The following ERC2 variants were observed in gnomAD, a reference collection of about 807,000 sequenced individuals.
ERC2 encodes the protein ELKS/RAB6-interacting/CAST family member 2.
Under a neutral mutation model 114.8 loss-of-function variants are expected in ERC2, and 42 were observed. The ratio of observed to expected loss-of-function variants is 0.37; its 90% CI spans 0.29 to 0.47. The LOEUF is 0.47. Ranked by LOEUF, ERC2 falls within the 20% of genes least tolerant of loss-of-function variation. ERC2 has a pLI of 0.99. For synonymous variants in ERC2, 454 were observed against 425.5 expected, an observed-to-expected ratio of 1.07 and a Z score of -0.82; for missense variants, 939 against 1,150.7, an observed-to-expected ratio of 0.82 and a Z score of 2.66.
intron 6 of ERC2, among the ~76,000 whole-genome samples, chr3:56,122,119 A>T (rs1010213282): frequency 6.6e-6 from 1 of 152,248 alleles, no homozygotes; most frequent in Non-Finnish European, 1.5e-5. Context: ...CAACCTGTTT[A>T]TCTATAGGGG....
intron 14 of ERC2, among the ~76,000 whole-genome samples, chr3:55,775,100 G>A (rs766005950): frequency 6.6e-6 from 1 of 152,166 alleles, no homozygotes; most frequent in Non-Finnish European, 1.5e-5. Flanking sequence ...CCCCACACAT[G>A]TCCTCCTGCC....
chr3:56,030,627 C>A (rs1411436645), intron 7 of ERC2, among the ~76,000 whole-genome samples: 1 of 152,090 alleles, frequency 6.6e-6, no homozygotes, highest in Non-Finnish European at 1.5e-5. Context: ...ATTAATATAG[C>A]CATTCTTGCA....
chr3:56,023,881 C>T (rs920056201), intron 7 of ERC2, among the ~76,000 whole-genome samples: 5 of 151,812 alleles, frequency 3.3e-5, no homozygotes, highest in South Asian at 2.1e-4. Context: ...CCTTCAGCTC[C>T]GAGATTCTAC....
intron 13 of ERC2, among the ~76,000 whole-genome samples, chr3:55,941,433 C>A (rs950952216): frequency 6.6e-5 from 10 of 152,176 alleles, no homozygotes; most frequent in Non-Finnish European, 1.2e-4. Context: ...GTCAACAGCC[C>A]TCCAAATGGC....
intron 13 of ERC2, among the ~76,000 whole-genome samples, chr3:55,902,475 A>T (rs988646898): frequency 6.6e-6 from 1 of 152,124 alleles, no homozygotes; most frequent in Non-Finnish European, 1.5e-5. Flanking sequence ...ACGCCCACCC[A>T]AACAGTCAGT....
At chr3:55,735,679 A>T (rs751846841) in intron 14 of ERC2, among the ~76,000 whole-genome samples, 2 of 152,094 alleles carry the variant, frequency 1.3e-5, no homozygotes, top group African/African-American at 4.8e-5. Flanking sequence ...CTTTTGGGGG[A>T]TACATTCAAA....
At chr3:55,998,268 C>T (rs2071761597) in intron 10 of ERC2, among the ~76,000 whole-genome samples, 1 of 152,028 alleles carries the variant, frequency 6.6e-6, no homozygotes, top group African/African-American at 2.4e-5. Context: ...CACACACATA[C>T]ACACAAAAGA....
intron 2 of ERC2, among the ~76,000 whole-genome samples, chr3:56,374,088 T>G (rs752700931): frequency 6.6e-6 from 1 of 150,380 alleles, no homozygotes; most frequent in South Asian, 2.2e-4. Flanking sequence ...CCATCCAGTG[T>G]TTTTGTTTGT....
At chr3:55,754,511 G>C (rs1019211429) in intron 14 of ERC2, among the ~76,000 whole-genome samples, 2 of 74,264 alleles carry the variant, frequency 2.7e-5, no homozygotes, top group Admixed American at 2.7e-4. Context: ...TTTCTGCAAA[G>C]GATTAAAGAA....
chr3:55,944,741 G>A (rs773308818), intron 13 of ERC2, among the ~76,000 whole-genome samples: 4 of 152,306 alleles, frequency 2.6e-5, no homozygotes, highest in East Asian at 3.9e-4. Flanking sequence ...TTCTGAGACC[G>A]CCTACAGGGG....
chr3:56,105,274 T>G (rs550504441), intron 6 of ERC2, among the ~76,000 whole-genome samples: 2 of 152,044 alleles, frequency 1.3e-5, no homozygotes, highest in African/African-American at 4.8e-5. Context: ...AAGACTTTGG[T>G]TGATATGGTC....
chr3:55,573,191 T>C (rs185086248), intron 17 of ERC2, among the ~76,000 whole-genome samples: 2 of 152,288 alleles, frequency 1.3e-5, no homozygotes, highest in African/African-American at 4.8e-5. Context: ...TGGGCTTTGG[T>C]ATGGAACAGA....
intron 2 of ERC2, among the ~76,000 whole-genome samples, chr3:56,406,859 G>A (rs911788171): frequency 3.3e-5 from 5 of 152,196 alleles, no homozygotes; most frequent in African/African-American, 1.2e-4. Context: ...AGTTGCAGAG[G>A]AGGCATGGAA....
chr3:56,190,273 G>A (rs6786058), intron 3 of ERC2, among the ~76,000 whole-genome samples: 12,041 of 152,212 alleles, frequency 0.079, 642 homozygotes, highest in Admixed American at 0.15. Context: ...GAAACCTTGG[G>A]CAGGGTGCTA....
In ERC2 at chr3:55,943,709, A is replaced by G. The variant is rs534349924; in HGVS notation, c.2403+6716T>C. On this transcript the variant is annotated intron_variant, in intron 13 of 17. Coordinates refer to ENST00000288221, the MANE Select transcript of ERC2 (RefSeq NM_015576.3). ...CCCACGAAAGCATTTTAGAAAGCAC[A>G]CAGGACTCTGGCTTAGATGGGCTTG... Among the ~76,000 whole-genome samples the G allele has an allele frequency of 4.6e-5, 7 of 152,334 alleles. 1 individual carries two copies. The South Asian group carries it at 1.5e-3, about 32-fold the overall frequency.
chr3:56,385,327 G>A (rs536195803), intron 2 of ERC2, among the ~76,000 whole-genome samples: 1 of 152,054 alleles, frequency 6.6e-6, no homozygotes, highest in South Asian at 2.1e-4. Flanking sequence ...TCTTCTATAG[G>A]GGCACTAATT....
Position 55,729,837 on chromosome 3 carries a change from C to CAAAAAAAAAAAAAAAAAAAAAAAAAA in ERC2, c.2712+4908_2712+4933dup, listed in dbSNP as rs71096498. ...AGGGTAATGCAGTGAGACTCTATCG[C>CAAAAAAAAAAAAAAAAAAAAAAAAAA]AAAAAAAAAAAAAAAAAAAAAAAAA... On this transcript the variant is annotated intron_variant, in intron 15 of 17. Transcript: ENST00000288221. Among the ~76,000 whole-genome samples, 7 of 61,636 alleles carry CAAAAAAAAAAAAAAAAAAAAAAAAAA rather than the reference C, an allele frequency of 1.1e-4. 2 individuals are homozygous for CAAAAAAAAAAAAAAAAAAAAAAAAAA. The highest frequency in any genetic ancestry group is 6.0e-4 in the African/African-American group (7 of 11,690). The allele number at this position is 61,636 out of a possible 152,430, so 40.4% of individuals were successfully genotyped here.
At chr3:56,211,727 C>T (rs999605209) in intron 3 of ERC2, among the ~76,000 whole-genome samples, 1 of 152,164 alleles carries the variant, frequency 6.6e-6, no homozygotes, top group African/African-American at 2.4e-5. Context: ...GTCACCAAAA[C>T]AGCATAATAC....
At chr3:56,307,934 A>T (rs916133818) in intron 2 of ERC2, among the ~76,000 whole-genome samples, 2 of 152,148 alleles carry the variant, frequency 1.3e-5, no homozygotes, top group East Asian at 1.9e-4. Flanking sequence ...GACCAGAGGG[A>T]AACTGTCTCA....
Sources: gnomAD v4.1 joint callset for allele counts (sites outside exome capture counted in the v4.1 genomes callset) on GRCh38, gnomAD v4.1.1 for gene constraint, MANE v1.5 for transcripts, NCBI Gene and HGNC (gene_info 2026-07-23, HGNC 2026-07-21) for gene names.